ARHGEF7: variants seen among roughly 807,000 people sequenced by gnomAD.
The protein encoded by ARHGEF7 is Rho guanine nucleotide exchange factor 7, also known as PAK-interacting exchange factor beta.
A neutral mutation model predicts 109.8 loss-of-function variants in ARHGEF7; 33 were observed. The observed-to-expected ratio is 0.30, with a 90% CI of 0.23 to 0.40. The LOEUF (loss-of-function observed/expected upper bound fraction) is 0.40. ARHGEF7 is among the 10% of genes least tolerant of loss of function. The pLI, the probability that ARHGEF7 is intolerant of heterozygous loss-of-function variation, is 1.00. For missense variants in ARHGEF7, 938 were observed against 1,098.5 expected, an observed-to-expected ratio of 0.85 and a Z score of 2.07; for synonymous variants, 458 against 424.6, an observed-to-expected ratio of 1.08 and a Z score of -0.97.
In ARHGEF7 at chr13:111,117,853, C is replaced by T. The variant is rs117572067; in HGVS notation, c.165+2162C>T. Among the ~76,000 whole-genome samples, 384 of 152,330 alleles carry T rather than the reference C, an allele frequency of 2.5e-3. 8 individuals carry two copies. In the East Asian group the frequency reaches 0.042, roughly 17 times the overall value. Reference sequence around the variant, plus strand: ...CTGGGATTACAGGCGTGAGCCACCACGCCCAGCCAGTTATCTGGGTTTTTG... The same window carrying T: ...CTGGGATTACAGGCGTGAGCCACCATGCCCAGCCAGTTATCTGGGTTTTTG... On this transcript the variant is annotated intron_variant, in intron 1 of 21. Transcript: ENST00000646102.
intron 2 of ARHGEF7, among the ~76,000 whole-genome samples, chr13:111,154,787 C>T (rs1195463913): frequency 6.6e-6 from 1 of 152,140 alleles, no homozygotes; most frequent in African/African-American, 2.4e-5. Context: ...CTTTGCTTTT[C>T]TTGGGATCTG....
At chr13:111,223,798 C>T (rs929636695) in intron 5 of ARHGEF7, among the ~76,000 whole-genome samples, 5 of 151,690 alleles carry the variant, frequency 3.3e-5, no homozygotes, top group African/African-American at 1.2e-4. Flanking sequence ...ATAATTGTCA[C>T]TTAGCATTTA....
intron 4 of ARHGEF7, among the ~76,000 whole-genome samples, chr13:111,216,129 A>T (rs773949774): frequency 3.9e-5 from 6 of 152,116 alleles, no homozygotes; most frequent in African/African-American, 1.2e-4. Context: ...TGGTATATTT[A>T]TGTCTTCTGT....
intron 2 of ARHGEF7, among the ~76,000 whole-genome samples, chr13:111,176,164 G>T (rs1178627540): frequency 6.6e-6 from 1 of 152,140 alleles, no homozygotes; most frequent in Non-Finnish European, 1.5e-5. Flanking sequence ...GCTCTGCCTA[G>T]GACTCTGAGC....
chr13:111,191,293 G>A (rs952117794), intron 2 of ARHGEF7, among the ~76,000 whole-genome samples: 1 of 152,146 alleles, frequency 6.6e-6, no homozygotes, highest in African/African-American at 2.4e-5. Flanking sequence ...CCAGGGGCAG[G>A]CCTGATAACA....
intron 2 of ARHGEF7, among the ~76,000 whole-genome samples, chr13:111,193,812 A>G (rs1228060345): frequency 6.6e-6 from 1 of 152,224 alleles, no homozygotes; most frequent in Non-Finnish European, 1.5e-5. Flanking sequence ...CCAAGAGATC[A>G]TCTCGGGCAG....
At chr13:111,204,986 A>C (rs1344915049) in intron 2 of ARHGEF7, among the ~76,000 whole-genome samples, 1 of 150,476 alleles carries the variant, frequency 6.6e-6, no homozygotes, top group African/African-American at 2.5e-5. Context: ...GCTGAATGCC[A>C]GCAGCCCACC....
At chr13:111,164,702 G>T (rs2153400900) in intron 2 of ARHGEF7, among the ~76,000 whole-genome samples, 1 of 152,256 alleles carries the variant, frequency 6.6e-6, no homozygotes, top group East Asian at 1.9e-4. Flanking sequence ...TATGAAGTGT[G>T]TGTTAACCCG....
chr13:111,231,130 A>T (rs531355853), intron 5 of ARHGEF7, among the ~76,000 whole-genome samples: 1 of 152,156 alleles, frequency 6.6e-6, no homozygotes, highest in East Asian at 1.9e-4. Flanking sequence ...AGTGGCTGTG[A>T]TTGAGGTGTG....
At chr13:111,170,635 C>G (rs1162322385) in intron 2 of ARHGEF7, among the ~76,000 whole-genome samples, 1 of 152,134 alleles carries the variant, frequency 6.6e-6, no homozygotes, top group South Asian at 2.1e-4. Context: ...GTGTGTTACC[C>G]TTAGGCCAGA....
At chr13:111,242,334 G>A (rs186940690) in intron 6 of ARHGEF7, among the ~76,000 whole-genome samples, 3 of 152,080 alleles carry the variant, frequency 2.0e-5, no homozygotes, top group Admixed American at 6.5e-5. Flanking sequence ...GTAACGACCC[G>A]GGTTGTCTTT....
intron 2 of ARHGEF7, among the ~76,000 whole-genome samples, chr13:111,155,799 G>T (rs1426264467): frequency 6.6e-6 from 1 of 152,188 alleles, no homozygotes; most frequent in Non-Finnish European, 1.5e-5. Context: ...ATTGAGGCTG[G>T]GTGTGGTGGC....
rs1301465358 is a variant in ARHGEF7 at position 111,190,290 on chromosome 13, C to A, written c.253-14999C>A. 1.3e-5 allele frequency among the ~76,000 whole-genome samples: 2 copies of A among 152,164 alleles called. 1 individual carries two copies. Among genetic ancestry groups the A allele is most frequent in the Middle Eastern group, 6.3e-3 (2 of 316 alleles). ...GGGGAGAAGCCATGTTGCCCAACTC[C>A]AGAGGTTCGTATAAGAGTTTGAAAG... On this transcript the variant is annotated intron_variant, in intron 2 of 21. Coordinates refer to ENST00000646102, the MANE Select transcript of ARHGEF7 (RefSeq NM_001354046.2).
At chr13:111,281,927 TCATTTTCTAATTTTAGCATAAAG>T (rs1162091867) in intron 15 of ARHGEF7, among the ~76,000 whole-genome samples, 1 of 152,258 alleles carries the variant, frequency 6.6e-6, no homozygotes, top group Non-Finnish European at 1.5e-5. Context: ...CCAGCTGAAA[TCATTTTCTAATTTTAGCATAAAG>T]CATACTTCCT....
chr13:111,132,207 T>C (rs2074791621), intron 1 of ARHGEF7, among the ~76,000 whole-genome samples: 1 of 152,264 alleles, frequency 6.6e-6, no homozygotes, highest in African/African-American at 2.4e-5. Context: ...TCCCACATTT[T>C]AAAGTGTGTT....
At chr13:111,122,314 G>A (rs2067252203) in intron 1 of ARHGEF7, among the ~76,000 whole-genome samples, 1 of 152,220 alleles carries the variant, frequency 6.6e-6, no homozygotes, top group South Asian at 2.1e-4. Context: ...TGGGAAGTGA[G>A]GGCCAGCCTG....
At chr13:111,232,811 C>T (rs2086279240) in intron 5 of ARHGEF7, among the ~76,000 whole-genome samples, 1 of 152,172 alleles carries the variant, frequency 6.6e-6, no homozygotes, top group South Asian at 2.1e-4. Context: ...GAGTCCCTAA[C>T]TTTTAGCCCT....
chr13:111,280,170 C>T, intron 13 of ARHGEF7, 102 bp from the exon 14 acceptor site: 2 of 1,237,340 alleles, frequency 1.6e-6, no homozygotes, highest in Non-Finnish European at 2.3e-6. Flanking sequence ...AACACAGTTC[C>T]TCCACCAATT....
rs139176485 is a variant in ARHGEF7, at chr13:111,264,795, G to A, written c.951-2753G>A. 3.2e-4 allele frequency among the ~76,000 whole-genome samples: 48 copies of A among 152,322 alleles called. No homozygotes were observed. In the East Asian group the frequency reaches 8.3e-3, roughly 26 times the overall value. On this transcript the variant is annotated intron_variant, in intron 8 of 21. Coordinates refer to ENST00000646102, the MANE Select transcript of ARHGEF7 (RefSeq NM_001354046.2). ...ATGTTCTTACACAGATCAGCCACCT[G>A]AACGTGTGTGGGATATTTTTATTAC...
Sources: allele counts gnomAD v4.1 joint callset (sites outside exome capture counted in the v4.1 genomes callset), GRCh38; gene constraint gnomAD v4.1.1; transcripts MANE v1.5; gene names NCBI Gene and HGNC (gene_info 2026-07-23, HGNC 2026-07-21).